Variants in PTGFRN observed in about 807,000 individuals in gnomAD.
PTGFRN encodes prostaglandin F2 receptor negative regulator.
In PTGFRN, 35 loss-of-function variants were observed where a neutral mutation model predicts 83.2. The observed-to-expected ratio is 0.42, with a 90% confidence interval of 0.32 to 0.56. The LOEUF is 0.56. Among genes scored for constraint, PTGFRN ranks in the 20% least tolerant of loss-of-function variants. The pLI, the probability that PTGFRN is intolerant of heterozygous loss-of-function variation, is 0.11. For missense variants in PTGFRN, 1,051 were observed against 1,179.5 expected (o/e 0.89, Z 1.60); for synonymous variants, 519 against 498.6 (o/e 1.04, Z -0.55).
At chr1:116,973,193 C>A (rs1274767841) in intron 6 of PTGFRN, among the ~76,000 whole-genome samples, 3 of 152,112 alleles carry the variant, frequency 2.0e-5, no homozygotes, top group Non-Finnish European at 4.4e-5. Context: ...GCTGGGATTA[C>A]AGGCATGAGT....
intron 7 of PTGFRN, among the ~76,000 whole-genome samples, chr1:116,982,439 CT>C (rs1431144358): frequency 2.6e-5 from 4 of 152,166 alleles, no homozygotes; most frequent in African/African-American, 9.6e-5. Context: ...AGGGAATGCT[CT>C]TTTGTGAAGG....
intron 7 of PTGFRN, among the ~76,000 whole-genome samples, chr1:116,977,172 ACTAT>A (rs1180306558): frequency 3.3e-5 from 5 of 152,204 alleles, no homozygotes; most frequent in Non-Finnish European, 7.3e-5. Context: ...AGAAGAACTA[ACTAT>A]CCTAAATATA....
chr1:116,983,763 T>C (rs1651386210), intron 7 of PTGFRN, among the ~76,000 whole-genome samples: 1 of 152,198 alleles, frequency 6.6e-6, no homozygotes, highest in Non-Finnish European at 1.5e-5. Flanking sequence ...AAAAATTGTG[T>C]TATTTGACAT....
At chr1:116,965,683 G>A (rs959414184) in intron 5 of PTGFRN, among the ~76,000 whole-genome samples, 2 of 152,062 alleles carry the variant, frequency 1.3e-5, no homozygotes, top group African/African-American at 4.8e-5. Context: ...ACAAATCCAC[G>A]CTTTTTCTCT....
At chr1:116,957,858 T>C in intron 4 of PTGFRN, among the ~76,000 whole-genome samples, 1 of 152,178 alleles carries the variant, frequency 6.6e-6, no homozygotes, top group Non-Finnish European at 1.5e-5. Flanking sequence ...CGAGTGACAT[T>C]ATGTGGTATT....
At chr1:116,962,337 C>T (rs1220144137) in intron 5 of PTGFRN, 2 of 151,594 alleles carry the variant, frequency 1.3e-5, no homozygotes, top group South Asian at 4.2e-4. Context: ...ATTGGAAGCC[C>T]CCTAGGAACT....
At chr1:116,954,734 A>T (rs2101071999) in intron 4 of PTGFRN, among the ~76,000 whole-genome samples, 1 of 151,978 alleles carries the variant, frequency 6.6e-6, no homozygotes. Flanking sequence ...CTGTCCTATA[A>T]TTCTGCTCTC....
At position 116,958,928 on chromosome 1, in the gene PTGFRN, G is replaced by T. The variant is rs1650571692; in HGVS notation, c.1214-2315G>T. On this transcript the variant is annotated intron_variant, in intron 4 of 8. Transcript: ENST00000393203. The surrounding 1 kb of genome is among the most constrained non-coding windows in gnomAD (Gnocchi z 4.9). ...AATGGACTTGAGGCTCCATGTAAGA[G>T]CCACTGCTGGCTGCTGCCTACAGAT... Among the ~76,000 whole-genome samples the T allele has an allele frequency of 6.6e-6, 1 of 152,196 alleles. No individual in the cohort carries two copies. The highest frequency in any genetic ancestry group is 2.4e-5 in the African/African-American group (1 of 41,444).
chr1:116,986,844 G>A lies in PTGFRN; in HGVS notation c.2517G>A (p.Leu839=). Residue 839 remains leucine (L), a synonymous_variant, in exon 9 of 9, where the codon CTG becomes CTA. Transcript: ENST00000393203. ...ATCCCTTGCTGATCGGCGTCGGTCTGTCCACGGTCATCGGGCTCCTGTCCT... is the reference window on the plus strand; with the variant it reads ...ATCCCTTGCTGATCGGCGTCGGTCTATCCACGGTCATCGGGCTCCTGTCCT... ...FKYPLLIGVG[L]STVIGLLSCL... is the part of the protein sequence containing the mutation. The A allele has an allele frequency of 2.5e-6, 4 of 1,614,190 alleles. No individual in the cohort carries two copies. In the South Asian group the frequency reaches 4.4e-5, roughly 18 times the overall value.
rs1651235836 is a variant in PTGFRN, at chr1:116,979,032, C to G, written c.2167+4709C>G. On this transcript the variant is annotated intron_variant, in intron 7 of 8. Transcript: ENST00000393203. ...GCAACTTCAGCAAAGTCTCAGGATA[C>G]AAAATCAATGTGCAAAAATCACAAG... 2.6e-5 allele frequency among the ~76,000 whole-genome samples: 4 copies of G among 152,182 alleles called. No homozygotes were observed. The South Asian group carries it at 6.2e-4, about 24-fold the overall frequency.
At chr1:116,950,584 A>C (rs1043997781) in intron 4 of PTGFRN, among the ~76,000 whole-genome samples, 1 of 151,940 alleles carries the variant, frequency 6.6e-6, no homozygotes, top group African/African-American at 2.4e-5. Context: ...ACTCATACTT[A>C]TCTATTCCTT....
intron 7 of PTGFRN, among the ~76,000 whole-genome samples, chr1:116,977,784 T>G (rs1050722068): frequency 2.6e-5 from 4 of 152,054 alleles, no homozygotes; most frequent in African/African-American, 9.7e-5. Context: ...GATCTAAAAT[T>G]GACACCCTAA....
chr1:116,949,744 G>A lies in PTGFRN; in HGVS notation c.1213+172G>A, dbSNP rs193105544. Among the ~76,000 whole-genome samples, 133 of 152,350 alleles carry A rather than the reference G, an allele frequency of 8.7e-4. 1 individual carries two copies. Among genetic ancestry groups the A allele is most frequent in the Non-Finnish European group, 1.6e-3 (111 of 68,038 alleles). ...CCAAGCTGGGGATGAAATAGAATCT[G>A]GCAGACAAGGGAAATGTTTAGATAA... On this transcript the variant is annotated intron_variant, in intron 4 of 8. Transcript: ENST00000393203.
intron 6 of PTGFRN, among the ~76,000 whole-genome samples, chr1:116,969,132 T>C (rs1219138393): frequency 6.6e-6 from 1 of 152,070 alleles, no homozygotes; most frequent in East Asian, 1.9e-4. Flanking sequence ...TTTTTTTTTT[T>C]TTCCTTTTGT....
At chr1:116,951,275 G>A (rs1026170545) in intron 4 of PTGFRN, among the ~76,000 whole-genome samples, 3 of 152,252 alleles carry the variant, frequency 2.0e-5, no homozygotes, top group African/African-American at 7.2e-5. Context: ...GAAGGGATTT[G>A]TTGGTAGCTG....
chr1:116,942,056 A>G lies in PTGFRN; in HGVS notation c.391A>G (p.Asn131Asp). The G allele has an allele frequency of 6.2e-7, 1 of 1,613,984 alleles. No homozygotes were observed. The highest frequency in any genetic ancestry group is 8.5e-7 in the Non-Finnish European group (1 of 1,179,898). Residue 131 changes from asparagine (N) to aspartate (D), a missense_variant, in exon 2 of 9, where the codon AAC becomes GAC. Transcript: ENST00000393203. ...TPSTDATVQG[N>D]YEDTVQVKVL... ...CAGCACAGATGCCACTGTCCAGGGA[A>G]ACTATGAGGACACAGTGCAGGTTAA...
chr1:116,912,485 G>A (rs1158718420), intron 1 of PTGFRN, among the ~76,000 whole-genome samples: 2 of 151,998 alleles, frequency 1.3e-5, no homozygotes, highest in African/African-American at 2.4e-5. Flanking sequence ...TGCTCTTTTT[G>A]ACCTCCATAT....
chr1:116,936,966 A>G (rs1351728565), intron 1 of PTGFRN, among the ~76,000 whole-genome samples: 3 of 152,270 alleles, frequency 2.0e-5, no homozygotes, highest in African/African-American at 7.2e-5. Flanking sequence ...ATGTTCATAA[A>G]GTATTTTAGT....
In PTGFRN at chr1:116,987,113, A is replaced by G; in HGVS notation, c.*146A>G. 2.2e-6 allele frequency: 2 copies of G among 921,870 alleles called. No homozygotes were observed. Among genetic ancestry groups the G allele is most frequent in the Non-Finnish European group, 3.2e-6 (2 of 621,880 alleles). 57.1% of individuals were successfully genotyped at this position (921,870 alleles called of 1,614,324 possible). On this transcript the variant is annotated 3_prime_UTR_variant, in exon 9 of 9. Coordinates refer to ENST00000393203, the MANE Select transcript of PTGFRN (RefSeq NM_020440.4). ...GGACTTGGCGCTCTCTCTTTTCTGC[A>G]TGTCAAGTTCTGAGCGCGGACATGT... is the stretch of plus-strand genomic sequence containing the variant.
Sources: allele counts gnomAD v4.1 joint callset (sites outside exome capture counted in the v4.1 genomes callset), GRCh38; gene constraint gnomAD v4.1.1; non-coding constraint Gnocchi (gnomAD v3.1); transcripts MANE v1.5; gene names NCBI Gene and HGNC (gene_info 2026-07-23, HGNC 2026-07-21).